The following SORCS1 variants were observed in gnomAD, a reference collection of about 807,000 sequenced individuals.
The protein encoded by SORCS1 is sortilin related VPS10 domain containing receptor 1, also known as VPS10 domain-containing receptor SorCS1.
In SORCS1, 60 loss-of-function variants were observed where a neutral mutation model predicts 146.1. The observed-to-expected ratio is 0.41, with a 90% CI of 0.33 to 0.51. The LOEUF is 0.51. Ranked by LOEUF, SORCS1 falls within the 20% of genes least tolerant of loss-of-function variation. The pLI, the probability that SORCS1 is intolerant of heterozygous loss-of-function variation, is 0.21. For missense variants in SORCS1, 1,352 were observed against 1,487.6 expected (o/e 0.91, Z 1.50); for synonymous variants, 637 against 584.0 (o/e 1.09, Z -1.31).
chr10:107,086,394 T>C (rs1023165049), intron 1 of SORCS1, among the ~76,000 whole-genome samples: 1 of 152,222 alleles, frequency 6.6e-6, no homozygotes, highest in Admixed American at 6.5e-5. Flanking sequence ...GAGAAGTTAC[T>C]ACATAACAGC....
intron 1 of SORCS1, among the ~76,000 whole-genome samples, chr10:106,963,276 C>T (rs915168808): frequency 1.3e-5 from 2 of 151,760 alleles, no homozygotes; most frequent in South Asian, 2.1e-4. Context: ...CCACCACGCC[C>T]GGCTAACTTT....
Position 106,764,244 on chromosome 10 carries a change from C to A in SORCS1, c.886-2583G>T, listed in dbSNP as rs144821733. 1.8e-3 allele frequency among the ~76,000 whole-genome samples: 276 copies of A among 152,320 alleles called. 2 individuals carry two copies. Among genetic ancestry groups the A allele is most frequent in the Middle Eastern group, 3.4e-3 (1 of 294 alleles). The stretch of plus-strand genomic sequence containing the variant: ...GCTCTATATTCTCCACCTACTACTT[C>A]AGACATTTTCTCCCTAAAAAATTAA... On this transcript the variant is annotated intron_variant, in intron 4 of 25. Transcript: ENST00000263054.
At chr10:106,937,113 AT>A (rs1318102000) in intron 2 of SORCS1, among the ~76,000 whole-genome samples, 1 of 151,838 alleles carries the variant, frequency 6.6e-6, no homozygotes, top group Non-Finnish European at 1.5e-5. Context: ...TAACTGAATC[AT>A]GGGGGTAGGT....
chr10:107,029,001 T>C (rs1249453561), intron 1 of SORCS1, among the ~76,000 whole-genome samples: 2 of 152,242 alleles, frequency 1.3e-5, no homozygotes, highest in Non-Finnish European at 2.9e-5. Context: ...TCATAGTTCC[T>C]AGATACCAAA....
At chr10:106,588,686 C>T (rs1845396133) in intron 24 of SORCS1, among the ~76,000 whole-genome samples, 1 of 151,340 alleles carries the variant, frequency 6.6e-6, no homozygotes, top group African/African-American at 2.4e-5. Context: ...ACGGTGAAAC[C>T]CCATCTCTAC....
chr10:107,170,608 A>C, the SORCS1 span, among the ~76,000 whole-genome samples: 1 of 152,350 alleles, frequency 6.6e-6, no homozygotes, highest in Non-Finnish European at 1.5e-5. Context: ...ACTGAAAAAC[A>C]AGGTCTTTGG....
chr10:106,767,645 C>G (rs937932813), intron 4 of SORCS1, among the ~76,000 whole-genome samples: 1 of 152,076 alleles, frequency 6.6e-6, no homozygotes, highest in Non-Finnish European at 1.5e-5. Context: ...TGCACCACCA[C>G]GCCCGGCTAA....
intron 1 of SORCS1, among the ~76,000 whole-genome samples, chr10:106,995,535 A>G (rs1956955729): frequency 6.6e-6 from 1 of 152,162 alleles, no homozygotes; most frequent in Non-Finnish European, 1.5e-5. Context: ...GTATGGGGAA[A>G]AAAACGTCCT....
chr10:107,163,227 G>A (rs1969839978), intron 1 of SORCS1, among the ~76,000 whole-genome samples: 1 of 152,112 alleles, frequency 6.6e-6, no homozygotes, highest in Non-Finnish European at 1.5e-5. Context: ...CATTAGAGGA[G>A]GTCAGGCAAT....
At chr10:106,881,045 C>A (rs1348560275) in intron 2 of SORCS1, among the ~76,000 whole-genome samples, 1 of 143,798 alleles carries the variant, frequency 7.0e-6, no homozygotes, top group East Asian at 2.0e-4. Flanking sequence ...TCACTACACT[C>A]CAGCCTGGGC....
rs201418462 is a variant in SORCS1 at position 106,718,027 on chromosome 10, A to T, written c.1025-8686T>A. Among the ~76,000 whole-genome samples the T allele has an allele frequency of 7.2e-5, 11 of 152,192 alleles. 1 individual carries two copies. The East Asian group carries it at 2.1e-3, about 29-fold the overall frequency. ...ACTATTCAGACTATGTTATAGAGTG[A>T]ATTACTTTCGTCAGGGATGGGGACA... On this transcript the variant is annotated intron_variant, in intron 6 of 25. Transcript: ENST00000263054.
intron 2 of SORCS1, among the ~76,000 whole-genome samples, chr10:106,902,338 A>G (rs528387576): frequency 3.1e-4 from 47 of 152,276 alleles, no homozygotes; most frequent in African/African-American, 1.1e-3. Flanking sequence ...ACTTACATAC[A>G]ACAAAAATTT....
At chr10:106,659,028 G>T (rs185321956) in intron 17 of SORCS1, among the ~76,000 whole-genome samples, 1 of 152,224 alleles carries the variant, frequency 6.6e-6, no homozygotes, top group Admixed American at 6.5e-5. Context: ...TTCTTTAACT[G>T]GGATCCCATG....
intron 1 of SORCS1, among the ~76,000 whole-genome samples, chr10:107,075,069 A>C (rs1962764086): frequency 6.6e-6 from 1 of 152,144 alleles, no homozygotes; most frequent in Non-Finnish European, 1.5e-5. Flanking sequence ...TGACATTTCA[A>C]TAAGATACAT....
intron 4 of SORCS1, among the ~76,000 whole-genome samples, chr10:106,762,732 A>T (rs1859233307): frequency 6.6e-6 from 1 of 151,860 alleles, no homozygotes; most frequent in African/African-American, 2.4e-5. Flanking sequence ...CCTGGGGGAG[A>T]CTGGTTTCCT....
At chr10:106,889,450 G>T (rs900389101) in intron 2 of SORCS1, among the ~76,000 whole-genome samples, 2 of 152,100 alleles carry the variant, frequency 1.3e-5, no homozygotes, top group African/African-American at 4.8e-5. Context: ...CAGGTAATTT[G>T]TGTGTCTATT....
At chr10:106,580,811 A>C (rs1844857367) in intron 24 of SORCS1, among the ~76,000 whole-genome samples, 1 of 152,220 alleles carries the variant, frequency 6.6e-6, no homozygotes, top group African/African-American at 2.4e-5. Context: ...AGCATATTCC[A>C]TCTAACCACA....
At chr10:106,856,500 C>G (rs970806225) in intron 2 of SORCS1, among the ~76,000 whole-genome samples, 45 of 152,176 alleles carry the variant, frequency 3.0e-4, no homozygotes, top group African/African-American at 9.2e-4. Context: ...CAGTTATGGT[C>G]TGACAGATCC....
Position 107,143,923 on chromosome 10 carries a change from G to A in SORCS1, c.558+20046C>T, listed in dbSNP as rs1045607630. The stretch of plus-strand genomic sequence containing the variant: ...TGGGATTACAGGTATGAGCCACTGC[G>A]CCCAGCCCCAAACTCTTTCAATCTA... On this transcript the variant is annotated intron_variant, in intron 1 of 25. Transcript: ENST00000263054. Among the ~76,000 whole-genome samples the A allele has an allele frequency of 1.1e-4, 16 of 152,012 alleles. 1 individual carries two copies. Among genetic ancestry groups the A allele is most frequent in the Middle Eastern group, 3.4e-3 (1 of 294 alleles).
Sources: allele counts gnomAD v4.1 joint callset (sites outside exome capture counted in the v4.1 genomes callset), GRCh38; gene constraint gnomAD v4.1.1; transcripts MANE v1.5; gene names NCBI Gene and HGNC (gene_info 2026-07-23, HGNC 2026-07-21).